LHPP: variants seen among roughly 807,000 people sequenced by gnomAD.
LHPP encodes hLHPP.
In LHPP, 24 loss-of-function variants were observed where a neutral mutation model predicts 30.3. That is an observed-to-expected ratio of 0.79 (90% CI 0.57 to 1.11). The LOEUF is 1.11. Ranked by LOEUF, LHPP falls within the 50% of genes most tolerant of loss-of-function variation. LHPP has a pLI of 0.00. For missense variants in LHPP, 356 were observed against 367.2 expected (o/e 0.97, Z 0.25); for synonymous variants, 150 against 157.1 (o/e 0.95, Z 0.34).
At chr10:124,555,576 G>C (rs759257318) in intron 6 of LHPP, among the ~76,000 whole-genome samples, 22 of 152,140 alleles carry the variant, frequency 1.4e-4, no homozygotes, top group Non-Finnish European at 2.2e-4. Flanking sequence ...GGGGGACCTT[G>C]CTCTGCAGAG....
At chr10:124,571,072 C>G (rs2133980550) in intron 6 of LHPP, among the ~76,000 whole-genome samples, 1 of 152,346 alleles carries the variant, frequency 6.6e-6, no homozygotes, top group South Asian at 2.1e-4. Flanking sequence ...GCTCTCTTCT[C>G]TTGTCTGCCG....
rs1224382590 is a variant in LHPP at position 124,510,643 on chromosome 10, G to A, written c.625-6537G>A. 6.6e-6 allele frequency among the ~76,000 whole-genome samples: 1 copy of A among 152,242 alleles called. No homozygotes were observed. The highest frequency in any genetic ancestry group is 1.5e-5 in the Non-Finnish European group (1 of 68,050). On this transcript the variant is annotated intron_variant, in intron 5 of 6. Coordinates refer to ENST00000368842, the MANE Select transcript of LHPP (RefSeq NM_022126.4). The surrounding 1 kb of genome is among the most constrained non-coding windows in gnomAD (Gnocchi z 4.0). ...GTGTGCTGTCTGGTTTTGTATGTGG[G>A]AGGAGCATGCACACAGTTTCATTTT...
At chr10:124,506,656 G>A (rs75533259) in intron 5 of LHPP, among the ~76,000 whole-genome samples, 2,024 of 129,434 alleles carry the variant, frequency 0.016, 34 homozygotes, top group East Asian at 0.046. Context: ...GGGGAGGGTA[G>A]GGAGGATTTC....
intron 3 of LHPP, among the ~76,000 whole-genome samples, chr10:124,489,168 A>G (rs558567131): frequency 3.9e-5 from 6 of 152,344 alleles, no homozygotes; most frequent in South Asian, 4.1e-4. Context: ...GCACATGTTC[A>G]TTGAAGAAAA....
intron 6 of LHPP, among the ~76,000 whole-genome samples, chr10:124,522,646 C>G (rs192759671): frequency 2.0e-3 from 310 of 152,178 alleles, no homozygotes; most frequent in African/African-American, 6.8e-3. Flanking sequence ...CATTTTGCAG[C>G]AGTCACAGGG....
intron 6 of LHPP, among the ~76,000 whole-genome samples, chr10:124,535,091 C>G (rs950849305): frequency 1.3e-5 from 2 of 152,206 alleles, no homozygotes; most frequent in Non-Finnish European, 2.9e-5. Context: ...AGCGTTGCCA[C>G]TGTGTGTGGC....
At chr10:124,506,294 C>T (rs1446577594) in intron 5 of LHPP, among the ~76,000 whole-genome samples, 4 of 137,246 alleles carry the variant, frequency 2.9e-5, no homozygotes, top group African/African-American at 5.4e-5. Context: ...TTCTCAACCT[C>T]GACACTTGGT....
intron 5 of LHPP, among the ~76,000 whole-genome samples, chr10:124,509,336 G>A (rs1954243164): frequency 6.6e-6 from 1 of 152,180 alleles, no homozygotes. Flanking sequence ...ATGGAGATGA[G>A]GCTGCTTCCA....
chr10:124,587,447 A>G (rs1435480846), intron 6 of LHPP, among the ~76,000 whole-genome samples: 1 of 151,906 alleles, frequency 6.6e-6, no homozygotes, highest in African/African-American at 2.4e-5. Context: ...AATGTGGCCC[A>G]AATCCACCCT....
At chr10:124,509,292 A>G (rs1051208362) in intron 5 of LHPP, among the ~76,000 whole-genome samples, 1 of 152,182 alleles carries the variant, frequency 6.6e-6, no homozygotes, top group African/African-American at 2.4e-5. Flanking sequence ...TCCACTGTTC[A>G]GACTCCCGTC....
intron 6 of LHPP, among the ~76,000 whole-genome samples, chr10:124,609,806 T>C (rs960023398): frequency 3.9e-5 from 6 of 152,218 alleles, no homozygotes; most frequent in African/African-American, 1.4e-4. Context: ...CTCACCCCCA[T>C]TGCCGCGGCA....
At chr10:124,514,123 C>T (rs969199969) in intron 5 of LHPP, among the ~76,000 whole-genome samples, 7 of 152,276 alleles carry the variant, frequency 4.6e-5, no homozygotes, top group Admixed American at 6.5e-5. Flanking sequence ...CACTATGACA[C>T]GGGTGGCACC....
At chr10:124,540,864 C>A (rs978381690) in intron 6 of LHPP, among the ~76,000 whole-genome samples, 1 of 152,132 alleles carries the variant, frequency 6.6e-6, no homozygotes. Context: ...TCCAGAGGAA[C>A]CTGGGCTCAC....
intron 6 of LHPP, among the ~76,000 whole-genome samples, chr10:124,537,558 C>T (rs1955058363): frequency 6.6e-6 from 1 of 152,252 alleles, no homozygotes; most frequent in South Asian, 2.1e-4. Context: ...CCAAACTTCC[C>T]AAAGCCCTTC....
rs1952811540 is a variant in LHPP, at chr10:124,472,466, T to A, written c.125+10479T>A. 1.3e-5 allele frequency among the ~76,000 whole-genome samples: 2 copies of A among 152,214 alleles called. 1 individual carries two copies. The highest frequency in any genetic ancestry group is 4.1e-4 in the South Asian group (2 of 4,834). ...AGACTGTTAGACAGCTATGAAAGAATGACTTCGCTCTGTTTGGTGCTGACA... is the reference window on the plus strand; with the variant it reads ...AGACTGTTAGACAGCTATGAAAGAAAGACTTCGCTCTGTTTGGTGCTGACA... On this transcript the variant is annotated intron_variant, in intron 1 of 6. Coordinates refer to ENST00000368842, the MANE Select transcript of LHPP (RefSeq NM_022126.4).
intron 6 of LHPP, among the ~76,000 whole-genome samples, chr10:124,599,245 G>A (rs1948992124): frequency 6.6e-6 from 1 of 151,564 alleles, no homozygotes; most frequent in Non-Finnish European, 1.5e-5. Context: ...CCCTGTGCAT[G>A]CATCATCCTT....
At chr10:124,506,859 T>A (rs78444806) in intron 5 of LHPP, among the ~76,000 whole-genome samples, 2,235 of 5,212 alleles carry the variant, frequency 0.43, 890 homozygotes, top group Middle Eastern at 1. Context: ...TAGGGAGGAT[T>A]TCAGGTGGAG....
intron 5 of LHPP, among the ~76,000 whole-genome samples, chr10:124,515,392 A>G: frequency 6.6e-6 from 1 of 152,086 alleles, no homozygotes; most frequent in Non-Finnish European, 1.5e-5. Context: ...GAACACATGA[A>G]ATACCATTAC....
At chr10:124,483,421 G>T (rs1396303597) in intron 1 of LHPP, among the ~76,000 whole-genome samples, 1 of 152,178 alleles carries the variant, frequency 6.6e-6, no homozygotes, top group African/African-American at 2.4e-5. Flanking sequence ...CCCTAGCCAG[G>T]CTGAGCAGGA....
Sources: gnomAD v4.1 joint callset for allele counts (sites outside exome capture counted in the v4.1 genomes callset) on GRCh38, gnomAD v4.1.1 for gene constraint, Gnocchi (gnomAD v3.1) non-coding constraint, MANE v1.5 for transcripts, NCBI Gene and HGNC (gene_info 2026-07-23, HGNC 2026-07-21) for gene names.